Variants in GALNT11 observed in about 807,000 individuals in gnomAD.
GALNT11 encodes the protein polypeptide N-acetylgalactosaminyltransferase 11, also known as UDP-GalNAc:polypeptide N-acetylgalactosaminyltransferase 11.
A neutral mutation model predicts 72.7 loss-of-function variants in GALNT11; 47 were observed. The observed-to-expected ratio is 0.65, with a 90% CI of 0.51 to 0.82. The LOEUF is 0.82. GALNT11 is among the 40% of genes least tolerant of loss of function. GALNT11 has a pLI of 0.00. For synonymous variants in GALNT11, 270 were observed against 286.6 expected (o/e 0.94, Z 0.58); for missense variants, 677 against 778.4 (o/e 0.87, Z 1.55).
chr7:152,037,198 G>C (rs1272980536), intron 1 of GALNT11, among the ~76,000 whole-genome samples: 1 of 152,152 alleles, frequency 6.6e-6, no homozygotes, highest in Non-Finnish European at 1.5e-5. Context: ...TTCATAGCTT[G>C]AGGTCTTAAG....
rs760025012 is a variant in GALNT11, at chr7:152,117,141, CT to C, written c.1234-9del. On this transcript the variant is annotated splice_polypyrimidine_tract_variant and intron_variant, in intron 8 of 11. Transcript: ENST00000430044. ...AAAAAATTCGATTTTCTTATTTTTA[CT>C]TTTTTTAAATTCAGGAGCAGTATTT... 1.3e-6 allele frequency: 2 copies of C among 1,569,330 alleles called. No homozygotes were observed. The highest frequency in any genetic ancestry group is 1.2e-5 in the South Asian group (1 of 83,974).
rs567220770 is a variant in GALNT11, at chr7:152,068,956, C to G, written c.-38-25234C>G. Among the ~76,000 whole-genome samples the G allele has an allele frequency of 1.8e-4, 28 of 152,146 alleles. No individual in the cohort carries two copies. The East Asian group carries it at 5.4e-3, about 29-fold the overall frequency. On this transcript the variant is annotated intron_variant, in intron 1 of 11. Coordinates refer to ENST00000430044, the MANE Select transcript of GALNT11 (RefSeq NM_022087.4). ...ATAAGATTTGAGGGAGGCATATTTC[C>G]CACAAGCACATGAAAACCCAGTCAC...
At chr7:152,057,066 A>G (rs1424666184) in intron 1 of GALNT11, among the ~76,000 whole-genome samples, 1 of 136,132 alleles carries the variant, frequency 7.3e-6, no homozygotes, top group East Asian at 2.1e-4. Context: ...GATGTTGCCC[A>G]GGCCAGTCTT....
intron 7 of GALNT11, 59 bp downstream of exon 7, chr7:152,110,704 A>C: frequency 8.5e-7 from 1 of 1,181,850 alleles, no homozygotes; most frequent in South Asian, 1.3e-5. Flanking sequence ...ATTTTCATCC[A>C]TGATCTCATA....
intron 1 of GALNT11, among the ~76,000 whole-genome samples, chr7:152,055,500 G>A (rs2083615974): frequency 6.7e-6 from 1 of 148,932 alleles, no homozygotes; most frequent in Admixed American, 6.7e-5. Context: ...TAAGTTACGA[G>A]GTATTTGGTA....
At chr7:152,047,039 A>G (rs1336481235) in intron 1 of GALNT11, among the ~76,000 whole-genome samples, 1 of 152,212 alleles carries the variant, frequency 6.6e-6, no homozygotes, top group Non-Finnish European at 1.5e-5. Flanking sequence ...GCAACTTAAC[A>G]CTGATTGTCT....
intron 1 of GALNT11, among the ~76,000 whole-genome samples, chr7:152,040,954 T>C (rs1268877655): frequency 6.6e-6 from 1 of 152,222 alleles, no homozygotes. Context: ...TTGTCCAGCT[T>C]TCCTCAGGTT....
At chr7:152,033,135 T>C (rs1586911102) in intron 1 of GALNT11, among the ~76,000 whole-genome samples, 1 of 152,342 alleles carries the variant, frequency 6.6e-6, no homozygotes, top group Non-Finnish European at 1.5e-5. Context: ...GATCATCTGG[T>C]TGGGGGCTTC....
chr7:152,117,065 T>G (rs186531505), intron 8 of GALNT11, 92 bp from the exon 9 acceptor site: 4 of 1,074,480 alleles, frequency 3.7e-6, no homozygotes, highest in African/African-American at 3.2e-5. Context: ...TTGTTAGTAA[T>G]GGACTTAATC....
intron 3 of GALNT11, among the ~76,000 whole-genome samples, chr7:152,102,321 A>G (rs2087008375): frequency 6.6e-6 from 1 of 152,122 alleles, no homozygotes; most frequent in Non-Finnish European, 1.5e-5. Flanking sequence ...CGGTGGGTGG[A>G]TCACGAGGTC....
rs550128033 is a variant in GALNT11, at chr7:152,121,092, C to G, written c.1695+124C>G. ...CTTCTCAGTCTGCAGTACAGTGGTC[C>G]CCCCAGAAACCACAGGTAGTACAAA... On this transcript the variant is annotated intron_variant, in intron 11 of 11. Coordinates refer to ENST00000430044, the MANE Select transcript of GALNT11 (RefSeq NM_022087.4). 7.6e-5 allele frequency: 84 copies of G among 1,100,538 alleles called. No individual in the cohort carries two copies. In the African/African-American group the frequency reaches 1.2e-3, roughly 16 times the overall value. 68.2% of individuals were successfully genotyped at this position (1,100,538 alleles called of 1,614,324 possible).
chr7:152,063,221 C>A (rs916770348), intron 1 of GALNT11, among the ~76,000 whole-genome samples: 3 of 152,126 alleles, frequency 2.0e-5, no homozygotes, highest in African/African-American at 7.2e-5. Context: ...GGAATTTATC[C>A]ATTTCTTCTA....
At chr7:152,058,200 T>A (rs2083794998) in intron 1 of GALNT11, among the ~76,000 whole-genome samples, 1 of 152,188 alleles carries the variant, frequency 6.6e-6, no homozygotes, top group Non-Finnish European at 1.5e-5. Flanking sequence ...TTAAAAATGC[T>A]TTATTGTTCA....
chr7:152,099,341 CT>C (rs988808032), intron 2 of GALNT11, among the ~76,000 whole-genome samples: 6 of 137,444 alleles, frequency 4.4e-5, no homozygotes, highest in African/African-American at 8.2e-5. Flanking sequence ...TAAAAATGGA[CT>C]TTTATTTATT....
chr7:152,073,624 G>A (rs374206481), intron 1 of GALNT11, among the ~76,000 whole-genome samples: 9 of 152,118 alleles, frequency 5.9e-5, no homozygotes, highest in South Asian at 2.1e-4. Flanking sequence ...ATGTCTCTTC[G>A]ATATACCAAT....
intron 1 of GALNT11, among the ~76,000 whole-genome samples, chr7:152,061,008 C>G (rs1294726750): frequency 1.3e-5 from 2 of 152,176 alleles, no homozygotes; most frequent in Non-Finnish European, 2.9e-5. Flanking sequence ...ATGGCTGGGT[C>G]AAATGGTATT....
chr7:152,121,717 G>T lies in GALNT11; in HGVS notation c.*40G>T, dbSNP rs1288720058. 1.3e-6 allele frequency: 2 copies of T among 1,598,766 alleles called. No homozygotes were observed. The highest frequency in any genetic ancestry group is 1.7e-6 in the Non-Finnish European group (2 of 1,170,334). On this transcript the variant is annotated 3_prime_UTR_variant, in exon 12 of 12. Transcript: ENST00000430044. ...TGGGAACGTTGCTTCATCAGGCGTT[G>T]CCTCCGGTGTGGAGTTTGGGGCTTT...
intron 8 of GALNT11, 43 bp downstream of exon 8, chr7:152,113,441 G>C (rs754396384): frequency 6.2e-7 from 1 of 1,600,316 alleles, no homozygotes; most frequent in Non-Finnish European, 8.5e-7. Context: ...TGATAGGCCG[G>C]CAGTGACTGG....
chr7:152,050,857 G>A (rs538488258), intron 1 of GALNT11, among the ~76,000 whole-genome samples: 31 of 152,304 alleles, frequency 2.0e-4, no homozygotes, highest in African/African-American at 6.0e-4. Flanking sequence ...CTCTGTGGGC[G>A]CCAGCTGAAT....
Sources: gnomAD v4.1 joint callset for allele counts (sites outside exome capture counted in the v4.1 genomes callset) on GRCh38, gnomAD v4.1.1 for gene constraint, MANE v1.5 for transcripts, NCBI Gene and HGNC (gene_info 2026-07-23, HGNC 2026-07-21) for gene names.